Variants in LOXL2 observed in about 807,000 individuals in gnomAD.
LOXL2 encodes lysyl oxidase homolog 2.
In LOXL2, 70 loss-of-function variants were observed where a neutral mutation model predicts 93.0. The ratio of observed to expected loss-of-function variants is 0.75; its 90% CI spans 0.62 to 0.92. LOXL2 has a LOEUF of 0.92. Ranked by LOEUF, LOXL2 falls within the 40% of genes least tolerant of loss-of-function variation. The pLI is 0.00. For synonymous variants in LOXL2, 438 were observed against 413.2 expected (o/e 1.06, Z -0.73); for missense variants, 973 against 1,054.9 (o/e 0.92, Z 1.08).
intron 2 of LOXL2, 75 bp from the exon 3 acceptor site, chr8:23,360,340 T>A: frequency 8.7e-7 from 1 of 1,142,962 alleles, no homozygotes; most frequent in Non-Finnish European, 1.2e-6. Context: ...CACCAGTGTC[T>A]CACATGGAAA....
rs1803169900 is a variant in LOXL2, at chr8:23,303,275, C to T, written c.1996+7G>A. ...AGGCCTCCCATCCCCCCACTCCGCT[C>T]AGATACCTCCTTCACATTCTGTGTC... On this transcript the variant is annotated splice_region_variant and intron_variant, in intron 11 of 13. Transcript: ENST00000389131. 2.5e-6 allele frequency: 4 copies of T among 1,587,876 alleles called. 1 individual carries two copies. Among genetic ancestry groups the T allele is most frequent in the South Asian group, 2.2e-5 (2 of 90,538 alleles).
intron 1 of LOXL2, among the ~76,000 whole-genome samples, chr8:23,393,571 T>C (rs1462086109): frequency 6.6e-6 from 1 of 152,214 alleles, no homozygotes; most frequent in Non-Finnish European, 1.5e-5. Flanking sequence ...AAGACCTTAA[T>C]GTAAAAGCTA....
intron 1 of LOXL2, among the ~76,000 whole-genome samples, chr8:23,372,258 C>T (rs1159746529): frequency 1.3e-5 from 2 of 151,838 alleles, no homozygotes; most frequent in East Asian, 3.9e-4. Context: ...CTCTGTTGCC[C>T]AGGCTGGAGT....
chr8:23,317,686 T>C (rs1191088773), intron 8 of LOXL2, among the ~76,000 whole-genome samples: 1 of 152,178 alleles, frequency 6.6e-6, no homozygotes, highest in African/African-American at 2.4e-5. Flanking sequence ...GCTGAGGAGA[T>C]CCGAGGCTTA....
At chr8:23,324,197 A>C (rs953984084) in intron 6 of LOXL2, among the ~76,000 whole-genome samples, 1 of 152,222 alleles carries the variant, frequency 6.6e-6, no homozygotes, top group African/African-American at 2.4e-5. Context: ...TTCAGACTCA[A>C]CTGGTTGGTC....
chr8:23,395,249 T>C (rs948908353), intron 1 of LOXL2, among the ~76,000 whole-genome samples: 2 of 143,682 alleles, frequency 1.4e-5, no homozygotes, highest in South Asian at 4.4e-4. Flanking sequence ...CAAGATTCCG[T>C]CTCAAAACAA....
At chr8:23,318,150 C>T (rs1803432293) in intron 8 of LOXL2, among the ~76,000 whole-genome samples, 2 of 148,992 alleles carry the variant, frequency 1.3e-5, no homozygotes, top group South Asian at 4.3e-4. Flanking sequence ...AATTCTTATC[C>T]AATCGGTTGA....
chr8:23,359,277 C>G (rs774359839), intron 3 of LOXL2, among the ~76,000 whole-genome samples: 1 of 152,206 alleles, frequency 6.6e-6, no homozygotes, highest in African/African-American at 2.4e-5. Flanking sequence ...CCACTCTCTA[C>G]CAGAGTTAGT....
chr8:23,333,251 G>C, intron 5 of LOXL2, 150 bp downstream of exon 5: 1 of 681,866 alleles, frequency 1.5e-6, no homozygotes, highest in Non-Finnish European at 2.5e-6. Context: ...TCTCTGCAGA[G>C]GGCGCTCAGG....
intron 10 of LOXL2, among the ~76,000 whole-genome samples, chr8:23,306,475 C>T (rs1394284716): frequency 1.8e-4 from 27 of 152,246 alleles, no homozygotes; most frequent in Admixed American, 1.5e-3. Context: ...GCTAGCTCCA[C>T]GCCCCCATCC....
chr8:23,353,243 G>A (rs763746703), intron 3 of LOXL2, among the ~76,000 whole-genome samples: 8 of 152,270 alleles, frequency 5.3e-5, no homozygotes, highest in Non-Finnish European at 1.2e-4. Flanking sequence ...CCACAGGCAG[G>A]AAACAAAGCC....
intron 8 of LOXL2, 38 bp downstream of exon 8, chr8:23,319,846 TG>T (rs1258296932): frequency 6.2e-7 from 1 of 1,600,200 alleles, no homozygotes. Context: ...TCAGACTGCA[TG>T]GGGGGTGAAT....
At chr8:23,339,491 A>C (rs1803846140) in intron 4 of LOXL2, among the ~76,000 whole-genome samples, 2 of 151,940 alleles carry the variant, frequency 1.3e-5, no homozygotes, top group Non-Finnish European at 2.9e-5. Context: ...CCTGAGATCA[A>C]CTCCTCAAAA....
intron 1 of LOXL2, among the ~76,000 whole-genome samples, chr8:23,390,450 T>C (rs73671446): frequency 0.029 from 4,460 of 152,320 alleles, 244 homozygotes; most frequent in African/African-American, 0.1. Flanking sequence ...AAAGTGGGAA[T>C]GTTCAGGGCA....
At chr8:23,397,348 TG>T (rs1427351938) in intron 1 of LOXL2, among the ~76,000 whole-genome samples, 4 of 152,118 alleles carry the variant, frequency 2.6e-5, no homozygotes, top group African/African-American at 9.7e-5. Flanking sequence ...ATAGTTAAGA[TG>T]GTGAGTTTTA....
At chr8:23,328,300 A>AG (rs1803617299) in intron 6 of LOXL2, 82 bp downstream of exon 6, 2 of 1,457,900 alleles carry the variant, frequency 1.4e-6, no homozygotes, top group Admixed American at 3.5e-5. Flanking sequence ...ATTTCCCGAG[A>AG]GCTCACGGCC....
chr8:23,319,771 C>T lies in LOXL2; in HGVS notation c.1470+114G>A, dbSNP rs567115152. The T allele has an allele frequency of 2.6e-4, 318 of 1,206,640 alleles. 1 individual carries two copies. The African/African-American group carries it at 4.3e-3, about 16-fold the overall frequency. 74.7% of individuals were successfully genotyped at this position (1,206,640 alleles called of 1,614,324 possible). On this transcript the variant is annotated intron_variant, in intron 8 of 13. Coordinates refer to ENST00000389131, the MANE Select transcript of LOXL2 (RefSeq NM_002318.3). ...CTGCCTCTGGGTCCAGGGCAACTTG[C>T]TCTGTCCTGCCTGCACGGCTAGGGA...
intron 1 of LOXL2, among the ~76,000 whole-genome samples, chr8:23,396,879 G>T (rs535985551): frequency 1.3e-5 from 2 of 152,296 alleles, no homozygotes; most frequent in Admixed American, 6.5e-5. Flanking sequence ...CTTTGTAAAA[G>T]TTCATCCATA....
Position 23,385,871 on chromosome 8 carries a change from T to C in LOXL2, c.-83-17437A>G, listed in dbSNP as rs892545583. 4.1e-6 allele frequency: 3 copies of C among 728,998 alleles called. No homozygotes were observed. The African/African-American group carries it at 5.2e-5, about 13-fold the overall frequency. 45.2% of individuals were successfully genotyped at this position (728,998 alleles called of 1,614,324 possible). ...ATTAATGAGATGTTTTGCGTTCTTTTTTCTTTTTGTACTAAGTCTTTGAAA... is the reference window on the plus strand; with the variant it reads ...ATTAATGAGATGTTTTGCGTTCTTTCTTCTTTTTGTACTAAGTCTTTGAAA... On this transcript the variant is annotated intron_variant, in intron 1 of 13. Coordinates refer to ENST00000389131, the MANE Select transcript of LOXL2 (RefSeq NM_002318.3).
Sources: allele counts gnomAD v4.1 joint callset (sites outside exome capture counted in the v4.1 genomes callset), GRCh38; gene constraint gnomAD v4.1.1; transcripts MANE v1.5; gene names NCBI Gene and HGNC (gene_info 2026-07-23, HGNC 2026-07-21).